SPAG16: variants seen among roughly 807,000 people sequenced by gnomAD.
SPAG16 encodes sperm-associated antigen 16 protein.
SPAG16 carries 86 observed loss-of-function variants against 80.4 expected under a neutral mutation model. The observed-to-expected ratio is 1.07, with a 90% CI of 0.90 to 1.28. The LOEUF (loss-of-function observed/expected upper bound fraction) is 1.28, where lower values mean the gene tolerates loss of function less well. SPAG16 is among the 50% of genes most tolerant of loss of function. SPAG16 has a pLI of 0.00. For synonymous variants in SPAG16, 294 were observed against 265.9 expected, an observed-to-expected ratio of 1.11 and a Z score of -1.03; for missense variants, 870 against 765.3, an observed-to-expected ratio of 1.14 and a Z score of -1.61.
intron 12 of SPAG16, among the ~76,000 whole-genome samples, chr2:213,971,418 C>A (rs1000838649): frequency 1.3e-5 from 2 of 152,010 alleles, no homozygotes; most frequent in African/African-American, 4.8e-5. Context: ...TTATATCTGC[C>A]ATCTTTTGAT....
intron 13 of SPAG16, among the ~76,000 whole-genome samples, chr2:214,097,294 G>C (rs2052654481): frequency 1.3e-5 from 2 of 151,818 alleles, no homozygotes; most frequent in Non-Finnish European, 2.9e-5. Context: ...TTAAATAGGG[G>C]GCATAATGAC....
chr2:214,266,677 T>A (rs1691599431), intron 15 of SPAG16, among the ~76,000 whole-genome samples: 1 of 151,666 alleles, frequency 6.6e-6, no homozygotes, highest in Admixed American at 6.6e-5. Flanking sequence ...CAACATGATG[T>A]TATAGAAAAA....
intron 10 of SPAG16, among the ~76,000 whole-genome samples, chr2:213,634,505 A>G (rs1347518943): frequency 6.6e-6 from 1 of 152,162 alleles, no homozygotes; most frequent in African/African-American, 2.4e-5. Context: ...TGTACTTACT[A>G]TTACCAGTGA....
At chr2:214,022,821 A>G (rs1461500402) in intron 13 of SPAG16, among the ~76,000 whole-genome samples, 1 of 151,966 alleles carries the variant, frequency 6.6e-6, no homozygotes, top group African/African-American at 2.4e-5. Flanking sequence ...CTTTCTTTCC[A>G]TTTATATTAA....
At chr2:213,647,617 G>C (rs2062867264) in intron 10 of SPAG16, among the ~76,000 whole-genome samples, 1 of 151,824 alleles carries the variant, frequency 6.6e-6, no homozygotes, top group African/African-American at 2.4e-5. Flanking sequence ...TCTTTTTGTA[G>C]TCTCCCAGCC....
At chr2:214,019,145 T>C (rs2047732892) in intron 13 of SPAG16, among the ~76,000 whole-genome samples, 1 of 152,104 alleles carries the variant, frequency 6.6e-6, no homozygotes, top group Admixed American at 6.6e-5. Context: ...CATAGCAAAC[T>C]GAATGAGAAA....
intron 10 of SPAG16, among the ~76,000 whole-genome samples, chr2:213,665,304 CA>C (rs2063561662): frequency 1.3e-5 from 2 of 152,194 alleles, no homozygotes; most frequent in South Asian, 4.1e-4. Context: ...TTAGCTTACC[CA>C]GGTACTTAAT....
At chr2:213,829,504 C>A (rs548341013) in intron 10 of SPAG16, among the ~76,000 whole-genome samples, 1 of 152,254 alleles carries the variant, frequency 6.6e-6, no homozygotes, top group African/African-American at 2.4e-5. Flanking sequence ...TATGGCCAAG[C>A]AAGTACCTAA....
chr2:213,840,963 T>A (rs915476665), intron 10 of SPAG16, among the ~76,000 whole-genome samples: 1 of 152,212 alleles, frequency 6.6e-6, no homozygotes, highest in Non-Finnish European at 1.5e-5. Context: ...TGTAGGTCTT[T>A]AACTATTTCT....
chr2:213,634,857 G>A (rs2062297853), intron 10 of SPAG16, among the ~76,000 whole-genome samples: 1 of 151,748 alleles, frequency 6.6e-6, no homozygotes, highest in Non-Finnish European at 1.5e-5. Context: ...AAGAGGCTTG[G>A]TTTTCCGCTC....
At chr2:213,496,230 T>C (rs1575748878) in intron 10 of SPAG16, among the ~76,000 whole-genome samples, 1 of 152,052 alleles carries the variant, frequency 6.6e-6, no homozygotes, top group South Asian at 2.1e-4. Flanking sequence ...ATTTTCATTA[T>C]TTTTTTGATA....
intron 9 of SPAG16, among the ~76,000 whole-genome samples, chr2:213,455,072 A>G (rs1054420752): frequency 6.6e-6 from 1 of 152,212 alleles, no homozygotes; most frequent in Admixed American, 6.5e-5. Flanking sequence ...TTTGAAATAC[A>G]GATTTCAAAA....
intron 9 of SPAG16, among the ~76,000 whole-genome samples, chr2:213,413,577 T>C (rs1400604056): frequency 6.6e-6 from 1 of 152,120 alleles, no homozygotes; most frequent in East Asian, 1.9e-4. Flanking sequence ...TATTCAAATA[T>C]TATTTATATT....
intron 9 of SPAG16, among the ~76,000 whole-genome samples, chr2:213,379,827 C>G (rs576143676): frequency 1.3e-5 from 2 of 152,328 alleles, no homozygotes; most frequent in Admixed American, 1.3e-4. Context: ...TTCCTGGGCC[C>G]ATGCGTAACC....
chr2:213,718,909 C>T (rs1370465938), intron 10 of SPAG16, among the ~76,000 whole-genome samples: 1 of 152,228 alleles, frequency 6.6e-6, no homozygotes, highest in African/African-American at 2.4e-5. Context: ...GCAGCTCCAC[C>T]TGCAGCCCTG....
At chr2:213,410,687 G>T (rs1300875665) in intron 9 of SPAG16, among the ~76,000 whole-genome samples, 1 of 152,204 alleles carries the variant, frequency 6.6e-6, no homozygotes, top group Non-Finnish European at 1.5e-5. Flanking sequence ...TAGTTGGAAT[G>T]GATCAAATAT....
In SPAG16 at chr2:213,387,710, T is replaced by C. The variant is rs1042127161; in HGVS notation, c.942+12591T>C. ...ACCTCGTGATCCGCCCGCCTCGGCC[T>C]CCCAAAGTGCTGGGATTACAGGCGT... On this transcript the variant is annotated intron_variant, in intron 9 of 15. Transcript: ENST00000331683. Among the ~76,000 whole-genome samples the C allele has an allele frequency of 2.6e-5, 4 of 151,790 alleles. 1 individual carries two copies.
At chr2:214,386,330 G>A (rs893129031) in intron 15 of SPAG16, among the ~76,000 whole-genome samples, 4 of 152,152 alleles carry the variant, frequency 2.6e-5, no homozygotes, top group African/African-American at 9.7e-5. Flanking sequence ...TGGCAGTGAG[G>A]TGATGTCACA....
chr2:214,314,082 C>T (rs544549256), intron 15 of SPAG16, among the ~76,000 whole-genome samples: 3 of 152,012 alleles, frequency 2.0e-5, no homozygotes, highest in Non-Finnish European at 2.9e-5. Flanking sequence ...TTCTGTGGTT[C>T]AGTGACTAAC....
Sources: gnomAD v4.1 joint callset for allele counts (sites outside exome capture counted in the v4.1 genomes callset) on GRCh38, gnomAD v4.1.1 for gene constraint, MANE v1.5 for transcripts, NCBI Gene and HGNC (gene_info 2026-07-23, HGNC 2026-07-21) for gene names.